The following ADAMTSL1 variants were observed in gnomAD, a reference collection of about 807,000 sequenced individuals.
The protein encoded by ADAMTSL1 is ADAMTS like 1.
Under a neutral mutation model 201.8 loss-of-function variants are expected in ADAMTSL1, and 126 were observed. The observed-to-expected ratio is 0.62, with a 90% confidence interval of 0.54 to 0.72. ADAMTSL1 has a LOEUF of 0.72. Among genes scored for constraint, ADAMTSL1 ranks in the 30% least tolerant of loss-of-function variants. The pLI, the probability that ADAMTSL1 is intolerant of heterozygous loss-of-function variation, is 0.00. For missense variants in ADAMTSL1, 2,679 were observed against 2,277.8 expected (o/e 1.18, Z -3.59); for synonymous variants, 1,121 against 903.4 (o/e 1.24, Z -4.32).
chr9:18,592,862 C>A (rs962727671), intron 4 of ADAMTSL1, among the ~76,000 whole-genome samples: 4 of 152,036 alleles, frequency 2.6e-5, no homozygotes, highest in Non-Finnish European at 5.9e-5. Flanking sequence ...AACATGGAAT[C>A]TTTTTTCATT....
At position 18,828,854 on chromosome 9, in the gene ADAMTSL1, A is replaced by T. The variant is rs142460637; in HGVS notation, c.4115-989A>T. ...AGGCACCATCATGACTTATTAATTCACCAGCCCTAACAAGTGCCTTACAAG... is the reference window on the plus strand; with the variant it reads ...AGGCACCATCATGACTTATTAATTCTCCAGCCCTAACAAGTGCCTTACAAG... On this transcript the variant is annotated intron_variant, in intron 22 of 28. Transcript: ENST00000380548. Among the ~76,000 whole-genome samples, 1,082 of 151,448 alleles carry T rather than the reference A, an allele frequency of 7.1e-3. 13 individuals are homozygous for T. Among genetic ancestry groups the T allele is most frequent in the African/African-American group, 0.025 (1,026 of 41,272 alleles).
rs764332433 is a variant in ADAMTSL1 at position 18,684,773 on chromosome 9, A to G, written c.1547A>G (p.Glu516Gly). 8 of 1,612,812 alleles carry G rather than the reference A, an allele frequency of 5.0e-6. No individual in the cohort carries two copies. The highest frequency in any genetic ancestry group is 1.1e-5 in the South Asian group (1 of 90,370). Reference sequence around the variant, plus strand: ...TTCAAACAAGCTCAAGAGCTAGAAGAAGGAGCTGCTGTGTCAGAGGAGCCC... The same window carrying G: ...TTCAAACAAGCTCAAGAGCTAGAAGGAGGAGCTGCTGTGTCAGAGGAGCCC... Reference protein sequence around the residue: ...PWFKQAQELEEGAAVSEEPSF... With the variant: ...PWFKQAQELEGGAAVSEEPSF... The change falls in exon 13 of 29, where the codon GAA becomes GGA. Residue 516 changes from glutamate to glycine, a missense_variant. By Grantham distance (98) the Glu-to-Gly change is moderately conservative (BLOSUM62 -2). Transcript: ENST00000380548.
At chr9:18,535,468 T>C (rs1362245325) in intron 3 of ADAMTSL1, among the ~76,000 whole-genome samples, 2 of 152,116 alleles carry the variant, frequency 1.3e-5, no homozygotes, top group African/African-American at 4.8e-5. Context: ...TTTCCCACAT[T>C]TTCCTGTCTT....
At chr9:18,541,092 T>A (rs34153311) in intron 3 of ADAMTSL1, among the ~76,000 whole-genome samples, 1 of 152,350 alleles carries the variant, frequency 6.6e-6, no homozygotes, top group South Asian at 2.1e-4. Flanking sequence ...AGATGGGACA[T>A]GTCTTTTCTA....
chr9:18,837,740 A>G (rs1825406735), intron 23 of ADAMTSL1, among the ~76,000 whole-genome samples: 1 of 152,200 alleles, frequency 6.6e-6, no homozygotes, highest in Non-Finnish European at 1.5e-5. Flanking sequence ...CTGCTTTCAT[A>G]TTACAACAGC....
At chr9:18,835,496 A>AT (rs995082439) in intron 23 of ADAMTSL1, among the ~76,000 whole-genome samples, 1 of 151,994 alleles carries the variant, frequency 6.6e-6, no homozygotes, top group Non-Finnish European at 1.5e-5. Context: ...CCTTTTCTTA[A>AT]TTTTTTAAAA....
At chr9:18,451,384 G>A (rs780697076) in intron 2 of ADAMTSL1, among the ~76,000 whole-genome samples, 2 of 152,064 alleles carry the variant, frequency 1.3e-5, no homozygotes, top group Non-Finnish European at 2.9e-5. Context: ...ATTTCCATAC[G>A]ATTTTATACC....
At chr9:18,755,522 C>T (rs1819701421) in intron 16 of ADAMTSL1, among the ~76,000 whole-genome samples, 1 of 152,154 alleles carries the variant, frequency 6.6e-6, no homozygotes, top group African/African-American at 2.4e-5. Context: ...TCTTGAAATG[C>T]AGTGAAACAT....
chr9:18,855,114 T>C (rs779953722), intron 23 of ADAMTSL1, among the ~76,000 whole-genome samples: 24 of 152,178 alleles, frequency 1.6e-4, no homozygotes, highest in Non-Finnish European at 3.1e-4. Context: ...CTTACAGATT[T>C]GGGTTTTCCA....
intron 2 of ADAMTSL1, among the ~76,000 whole-genome samples, chr9:18,419,792 C>G (rs1028148757): frequency 7.1e-6 from 1 of 141,664 alleles, no homozygotes; most frequent in African/African-American, 2.7e-5. Flanking sequence ...GAGTGCAGTG[C>G]GATCTTAGTT....
chr9:18,872,329 A>G (rs1827915679), intron 23 of ADAMTSL1, among the ~76,000 whole-genome samples: 1 of 152,012 alleles, frequency 6.6e-6, no homozygotes, highest in Admixed American at 6.6e-5. Flanking sequence ...ATTAGAAATT[A>G]CCTTTTTTAT....
intron 1 of ADAMTSL1, among the ~76,000 whole-genome samples, chr9:17,953,227 A>C (rs1401129271): frequency 1.3e-5 from 2 of 152,158 alleles, no homozygotes; most frequent in Non-Finnish European, 2.9e-5. Context: ...TTGATGCTAC[A>C]ACCCTTAATT....
At chr9:18,634,487 C>G (rs886270183) in intron 5 of ADAMTSL1, among the ~76,000 whole-genome samples, 1 of 151,868 alleles carries the variant, frequency 6.6e-6, no homozygotes, top group Admixed American at 6.6e-5. Flanking sequence ...CTCTTGAGCC[C>G]GGGAAGCTAA....
intron 1 of ADAMTSL1, among the ~76,000 whole-genome samples, chr9:17,943,028 C>T (rs537414636): frequency 6.6e-6 from 1 of 152,124 alleles, no homozygotes; most frequent in South Asian, 2.1e-4. Flanking sequence ...CTTAAGTGAT[C>T]CTCCTGCTTT....
chr9:18,126,911 T>C (rs1436109038), intron 1 of ADAMTSL1, among the ~76,000 whole-genome samples: 2 of 152,180 alleles, frequency 1.3e-5, no homozygotes, highest in Non-Finnish European at 2.9e-5. Flanking sequence ...CTACACAACA[T>C]TTTTTAGTTT....
chr9:18,358,647 C>T (rs904101064), intron 2 of ADAMTSL1, among the ~76,000 whole-genome samples: 1 of 152,098 alleles, frequency 6.6e-6, no homozygotes, highest in Non-Finnish European at 1.5e-5. Flanking sequence ...TTGTGTCTGG[C>T]TTTTTAAATT....
chr9:18,622,175 T>C, intron 4 of ADAMTSL1, 68 bp from the exon 5 acceptor site: 2 of 1,576,460 alleles, frequency 1.3e-6, no homozygotes, highest in Admixed American at 1.7e-5. Context: ...TTCATGGTGA[T>C]TGGCCTCATA....
intron 9 of ADAMTSL1, among the ~76,000 whole-genome samples, chr9:18,671,318 C>A (rs1829796265): frequency 6.6e-6 from 1 of 152,132 alleles, no homozygotes; most frequent in Admixed American, 6.5e-5. Flanking sequence ...TTTCACTGGG[C>A]ATTATGGAAC....
chr9:18,106,761 T>G (rs1010747253), intron 1 of ADAMTSL1, among the ~76,000 whole-genome samples: 1 of 152,230 alleles, frequency 6.6e-6, no homozygotes, highest in African/African-American at 2.4e-5. Flanking sequence ...TCAGAACAGC[T>G]GACAAGTAGC....
Sources: allele counts gnomAD v4.1 joint callset (sites outside exome capture counted in the v4.1 genomes callset), GRCh38; gene constraint gnomAD v4.1.1; transcripts MANE v1.5; gene names NCBI Gene and HGNC (gene_info 2026-07-23, HGNC 2026-07-21).